FAM186B: variants seen among roughly 807,000 people sequenced by gnomAD.
FAM186B encodes the protein protein FAM186B.
In FAM186B, 68 loss-of-function variants were observed where a neutral mutation model predicts 83.4. The observed-to-expected ratio is 0.81, with a 90% CI of 0.67 to 1.00. The LOEUF is 1.00. FAM186B is among the 50% of genes least tolerant of loss of function. The probability of loss-of-function intolerance (pLI) is 0.00; values close to 1 mark genes in which losing one functional copy is unlikely to be tolerated. For missense variants in FAM186B, 983 were observed against 1,099.2 expected, an observed-to-expected ratio of 0.89 and a Z score of 1.49; for synonymous variants, 389 against 422.0, an observed-to-expected ratio of 0.92 and a Z score of 0.96.
chr12:49,596,313 A>AC (rs1432146139), intron 5 of FAM186B, among the ~76,000 whole-genome samples: 7 of 99,688 alleles, frequency 7.0e-5, no homozygotes, highest in African/African-American at 1.9e-4. Context: ...ATATAGTGAG[A>AC]CCCCCGTCTC....
the FAM186B span, among the ~76,000 whole-genome samples, chr12:49,617,142 T>C: frequency 6.6e-6 from 1 of 152,170 alleles, no homozygotes; most frequent in African/African-American, 2.4e-5. Context: ...CATAGTTTGG[T>C]GATCGCTAGC....
At chr12:49,595,795 AAC>A (rs1484834099) in intron 5 of FAM186B, 1 of 194,670 alleles carries the variant, frequency 5.1e-6, no homozygotes, top group Non-Finnish European at 1.1e-5. Flanking sequence ...CATCCTGGCT[AAC>A]ACAGTGAAAA....
chr12:49,596,840 G>GTAT (rs1300914130), intron 5 of FAM186B, among the ~76,000 whole-genome samples: 1 of 152,172 alleles, frequency 6.6e-6, no homozygotes, highest in African/African-American at 2.4e-5. Context: ...GTCCATTGCA[G>GTAT]TATTACTCAC....
rs1387662912 is a variant in FAM186B at position 49,600,819 on chromosome 12, C to T, written c.821G>A (p.Ser274Asn). 1 of 1,611,940 alleles carries T rather than the reference C, an allele frequency of 6.2e-7. No homozygotes were observed. Among genetic ancestry groups the T allele is most frequent in the East Asian group, 2.2e-5 (1 of 44,874 alleles). Reference protein sequence around the residue: ...LQMQATKELSSQRLHFQQFME... With the variant: ...LQMQATKELSNQRLHFQQFME... ...GAACTGCTGGAAGTGCAGCCTCTGG[C>T]TGCTGAGCTCTTTGGTCGCCTGCAT... Residue 274 changes from serine (S) to asparagine (N), a missense_variant, in exon 4 of 7, where the codon AGC (serine) becomes AAC (asparagine). Transcript: ENST00000257894. The surrounding 1 kb of genome is among the most constrained non-coding windows in gnomAD (Gnocchi z 4.3).
At chr12:49,604,082 G>A in intron 2 of FAM186B, 1 of 539,918 alleles carries the variant, frequency 1.9e-6, no homozygotes, top group Non-Finnish European at 3.3e-6. Flanking sequence ...GCACAAAAAT[G>A]AGATGTCATA....
intron 5 of FAM186B, among the ~76,000 whole-genome samples, chr12:49,589,347 C>T (rs1352883698): frequency 6.6e-6 from 1 of 152,170 alleles, no homozygotes; most frequent in African/African-American, 2.4e-5. Flanking sequence ...CCCTAGGGAC[C>T]ACGTCGGCAC....
chr12:49,598,655 T>A (rs1592551386), intron 5 of FAM186B, 100 bp downstream of exon 5: 1 of 1,085,200 alleles, frequency 9.2e-7, no homozygotes, highest in African/African-American at 1.6e-5. Flanking sequence ...GGTCCCGCAG[T>A]CTCAGCCACA....
chr12:49,615,322 GAATT>G, the FAM186B span, among the ~76,000 whole-genome samples: 2 of 151,996 alleles, frequency 1.3e-5, no homozygotes, highest in Non-Finnish European at 2.9e-5. Flanking sequence ...AGTAAAAGCT[GAATT>G]TATTTAAAAA....
chr12:49,611,469 G>T, the FAM186B span, among the ~76,000 whole-genome samples: 1 of 150,940 alleles, frequency 6.6e-6, no homozygotes, highest in African/African-American at 2.4e-5. Context: ...CATTAGAATT[G>T]CTTGAACCCA....
At chr12:49,590,850 CA>C (rs1437848276) in intron 5 of FAM186B, among the ~76,000 whole-genome samples, 2 of 151,824 alleles carry the variant, frequency 1.3e-5, no homozygotes, top group African/African-American at 2.4e-5. Context: ...TAAAATTGTA[CA>C]AAAATTGAAT....
chr12:49,598,640 C>T (rs1343452233), intron 5 of FAM186B, 115 bp downstream of exon 5: 25 of 920,260 alleles, frequency 2.7e-5, no homozygotes, highest in Non-Finnish European at 3.8e-5. Context: ...TTCCCTTCTG[C>T]CCCTGGTCCC....
chr12:49,594,997 G>A (rs1939680554), intron 5 of FAM186B, among the ~76,000 whole-genome samples: 1 of 152,130 alleles, frequency 6.6e-6, no homozygotes, highest in Admixed American at 6.5e-5. Flanking sequence ...CTTTGCCAAA[G>A]GAGATAAATG....
the FAM186B span, among the ~76,000 whole-genome samples, chr12:49,614,819 C>T: frequency 2.6e-5 from 4 of 151,846 alleles, no homozygotes; most frequent in African/African-American, 4.8e-5. Flanking sequence ...AAGTGGGAAG[C>T]GGGGTGAGTG....
chr12:49,596,323 C>CAAAAA (rs933362822), intron 5 of FAM186B, among the ~76,000 whole-genome samples: 6 of 64,304 alleles, frequency 9.3e-5, no homozygotes, highest in Admixed American at 1.9e-4. Context: ...ACCCCCGTCT[C>CAAAAA]AAAAAAAAAA....
At chr12:49,583,184 C>A (rs1350291377), downstream of FAM186B, 2 of 405,910 alleles carry the variant, frequency 4.9e-6, no homozygotes, top group Non-Finnish European at 1.0e-5. Flanking sequence ...AGTATGAAAT[C>A]TTTATAAAAC....
the FAM186B span, among the ~76,000 whole-genome samples, chr12:49,614,853 G>A: frequency 1.3e-5 from 2 of 152,142 alleles, no homozygotes; most frequent in African/African-American, 4.8e-5. Context: ...CACTGGGGCC[G>A]GGCGCAGTGG....
At chr12:49,597,095 T>C (rs1003205437) in intron 5 of FAM186B, among the ~76,000 whole-genome samples, 5 of 152,224 alleles carry the variant, frequency 3.3e-5, no homozygotes, top group Non-Finnish European at 5.9e-5. Flanking sequence ...CTGCACAGAT[T>C]TGCAGCCTAG....
intron 5 of FAM186B, chr12:49,595,267 GT>G: frequency 1.4e-6 from 1 of 693,764 alleles, no homozygotes; most frequent in Non-Finnish European, 2.6e-6. Flanking sequence ...TAGCCTTGAT[GT>G]TTTCATTTGT....
chr12:49,584,553 G>T (rs534751680), downstream of FAM186B: 372 of 702,326 alleles, frequency 5.3e-4, 1 homozygote, highest in South Asian at 5.3e-3. Flanking sequence ...GACTTTTTTT[G>T]AACAAGCTAA....
Sources: allele counts gnomAD v4.1 joint callset (sites outside exome capture counted in the v4.1 genomes callset), GRCh38; gene constraint gnomAD v4.1.1; non-coding constraint Gnocchi (gnomAD v3.1); transcripts MANE v1.5; gene names NCBI Gene and HGNC (gene_info 2026-07-23, HGNC 2026-07-21).